The following ZMYM4 variants were observed in gnomAD, a reference collection of about 807,000 sequenced individuals.
The protein encoded by ZMYM4 is zinc finger MYM-type protein 4.
In ZMYM4, 31 loss-of-function variants were observed where a neutral mutation model predicts 183.2. The ratio of observed to expected loss-of-function variants is 0.17; its 90% confidence interval spans 0.13 to 0.23. The LOEUF (loss-of-function observed/expected upper bound fraction) is 0.23. ZMYM4 is among the 10% of genes least tolerant of loss of function. The pLI is 1.00. For synonymous variants in ZMYM4, 592 were observed against 631.2 expected (o/e 0.94, Z 0.93); for missense variants, 1,273 against 1,840.3 (o/e 0.69, Z 5.64).
chr1:35,325,572 T>C (rs762432061), intron 2 of ZMYM4, among the ~76,000 whole-genome samples, 167 bp downstream of exon 2: 1 of 152,136 alleles, frequency 6.6e-6, no homozygotes, highest in Non-Finnish European at 1.5e-5. Context: ...CAGGTTAATC[T>C]GAATTGTAAG....
In ZMYM4 at chr1:35,405,239, A is replaced by G. The variant is rs375742231; in HGVS notation, c.3700+45A>G. 19 of 1,601,204 alleles carry G rather than the reference A, an allele frequency of 1.2e-5. No homozygotes were observed. In the African/African-American group the frequency reaches 2.4e-4, roughly 20 times the overall value. On this transcript the variant is annotated intron_variant, in intron 24 of 29. Transcript: ENST00000314607. The stretch of plus-strand genomic sequence containing the variant: ...TGTATCTTGATTTAGGTAGGGGGAA[A>G]TATACAGATAATCTACTGAAAAGGG...
chr1:35,348,820 A>G (rs1643491315), intron 2 of ZMYM4, among the ~76,000 whole-genome samples: 1 of 152,164 alleles, frequency 6.6e-6, no homozygotes, highest in Non-Finnish European at 1.5e-5. Context: ...TTTTTACACT[A>G]GTGAAATGTT....
chr1:35,300,655 TC>T (rs1163334748), intron 1 of ZMYM4, among the ~76,000 whole-genome samples: 2 of 152,212 alleles, frequency 1.3e-5, no homozygotes, highest in Non-Finnish European at 2.9e-5. Context: ...TCACCAATCT[TC>T]CGCAGTGTAT....
chr1:35,416,187 T>C (rs1640107048), intron 28 of ZMYM4, among the ~76,000 whole-genome samples: 1 of 152,200 alleles, frequency 6.6e-6, no homozygotes, highest in South Asian at 2.1e-4. Context: ...TTGTACACAA[T>C]AGAATAATAG....
chr1:35,361,143 AT>A lies in ZMYM4; in HGVS notation c.608-48del, dbSNP rs764407970. On this transcript the variant is annotated intron_variant, in intron 3 of 29. Transcript: ENST00000314607. ...AGCTTTTTAGGTCACTCTTTGTAAG[AT>A]TTGTTATTCATATACATGTGTTTGT... The A allele has an allele frequency of 1.9e-4, 277 of 1,481,604 alleles. 1 individual carries two copies. In the Middle Eastern group the frequency reaches 2.0e-3, roughly 11 times the overall value. 91.8% of individuals were successfully genotyped at this position (1,481,604 alleles called of 1,614,324 possible). A position where few individuals can be genotyped will look rare whatever the true frequency, so the allele number is the denominator to read the frequency against.
At chr1:35,299,412 G>A (rs987489779) in intron 1 of ZMYM4, among the ~76,000 whole-genome samples, 8 of 152,180 alleles carry the variant, frequency 5.3e-5, no homozygotes, top group African/African-American at 1.7e-4. Context: ...GTGGGAGCTG[G>A]TTGGAGCATA....
intron 5 of ZMYM4, among the ~76,000 whole-genome samples, chr1:35,362,029 A>G (rs1009413859): frequency 6.6e-6 from 1 of 152,208 alleles, no homozygotes; most frequent in African/African-American, 2.4e-5. Context: ...GATTTTTGCA[A>G]TGCATTTTAG....
At chr1:35,278,083 A>G (rs1013592748) in intron 1 of ZMYM4, among the ~76,000 whole-genome samples, 18 of 152,122 alleles carry the variant, frequency 1.2e-4, no homozygotes, top group South Asian at 6.2e-4. Context: ...TGTCTCTTCT[A>G]TCTTCTTGTG....
intron 26 of ZMYM4, among the ~76,000 whole-genome samples, chr1:35,411,659 T>C (rs1331959623): frequency 1.3e-5 from 2 of 152,246 alleles, no homozygotes. Flanking sequence ...TTGATATGAT[T>C]GCAGTGAATC....
At chr1:35,334,364 T>C (rs1299692280) in intron 2 of ZMYM4, among the ~76,000 whole-genome samples, 1 of 152,038 alleles carries the variant, frequency 6.6e-6, no homozygotes, top group African/African-American at 2.4e-5. Flanking sequence ...CCACCAGCAG[T>C]GTAGTAAGAA....
chr1:35,398,347 C>A, intron 20 of ZMYM4, 66 bp from the exon 21 acceptor site: 2 of 1,381,312 alleles, frequency 1.4e-6, no homozygotes, highest in South Asian at 2.5e-5. Context: ...ATAGTGCAGT[C>A]ATTTCATTTG....
At chr1:35,374,985 A>G (rs547206173) in intron 7 of ZMYM4, among the ~76,000 whole-genome samples, 12 of 152,204 alleles carry the variant, frequency 7.9e-5, no homozygotes, top group African/African-American at 2.9e-4. Context: ...TGGTTTATCC[A>G]TTATCCAAAT....
chr1:35,408,535 C>G (rs988932994), intron 26 of ZMYM4, among the ~76,000 whole-genome samples: 1 of 151,966 alleles, frequency 6.6e-6, no homozygotes, highest in Admixed American at 6.6e-5. Context: ...GCCAGTGATG[C>G]AAGACCAGCC....
At chr1:35,382,245 T>C (rs1644478860) in intron 9 of ZMYM4, among the ~76,000 whole-genome samples, 3 of 150,722 alleles carry the variant, frequency 2.0e-5, no homozygotes, top group Non-Finnish European at 4.4e-5. Context: ...TGTATATGTA[T>C]ATATATGTAA....
intron 1 of ZMYM4, among the ~76,000 whole-genome samples, chr1:35,323,714 G>A (rs1240566330): frequency 3.3e-5 from 5 of 151,740 alleles, no homozygotes; most frequent in African/African-American, 4.8e-5. Flanking sequence ...CACCATGTCC[G>A]GCTAATTTTT....
intron 1 of ZMYM4, among the ~76,000 whole-genome samples, chr1:35,282,509 G>A (rs2138085): frequency 6.6e-6 from 1 of 152,176 alleles, no homozygotes; most frequent in Non-Finnish European, 1.5e-5. Flanking sequence ...TATGTACCTA[G>A]AAATGGATTT....
Position 35,398,303 on chromosome 1 carries a change from A to G in ZMYM4, c.3200-110A>G, listed in dbSNP as rs536784182. ...ATTATTCTTTCTGCATATGAAATCT[A>G]TTTACTTAGAACTTTGTAGTATGAT... is the stretch of plus-strand genomic sequence containing the variant. On this transcript the variant is annotated intron_variant, in intron 20 of 29. Coordinates refer to ENST00000314607, the MANE Select transcript of ZMYM4 (RefSeq NM_005095.3). 2.3e-4 allele frequency: 199 copies of G among 883,724 alleles called. 2 individuals are homozygous for G. Among genetic ancestry groups the G allele is most frequent in the African/African-American group, 1.9e-3 (111 of 58,936 alleles). 54.7% of individuals were successfully genotyped at this position (883,724 alleles called of 1,614,324 possible). A position where few individuals can be genotyped will look rare whatever the true frequency, so the allele number is the denominator to read the frequency against.
chr1:35,335,763 C>G (rs1410768294), intron 2 of ZMYM4, among the ~76,000 whole-genome samples: 1 of 152,002 alleles, frequency 6.6e-6, no homozygotes. Context: ...ACCATCCTAG[C>G]TAACACGGTG....
chr1:35,301,086 T>TA lies in ZMYM4; in HGVS notation c.40-24268dup, dbSNP rs1295453414. 8.5e-5 allele frequency among the ~76,000 whole-genome samples: 13 copies of TA among 152,304 alleles called. 2 individuals are homozygous for TA. The highest frequency in any genetic ancestry group is 2.6e-4 in the African/African-American group (11 of 41,566). On this transcript the variant is annotated intron_variant, in intron 1 of 29. Transcript: ENST00000314607. ...TTTTTGGTACCCTGTATCCCTGCCT[T>TA]AAAAAATAATAAGATAAACAAGTCT...
Sources: allele counts gnomAD v4.1 joint callset (sites outside exome capture counted in the v4.1 genomes callset), GRCh38; gene constraint gnomAD v4.1.1; transcripts MANE v1.5; gene names NCBI Gene and HGNC (gene_info 2026-07-23, HGNC 2026-07-21).